Variants in ZC3H3 observed in about 807,000 individuals in gnomAD.
ZC3H3 encodes zinc finger CCCH-type containing 3.
In ZC3H3, 36 loss-of-function variants were observed where a neutral mutation model predicts 77.3. The ratio of observed to expected loss-of-function variants is 0.47; its 90% CI spans 0.36 to 0.61. The LOEUF is 0.61. Among genes scored for constraint, ZC3H3 ranks in the 20% least tolerant of loss-of-function variants. ZC3H3 has a pLI of 0.00. For missense variants in ZC3H3, 1,331 were observed against 1,312.2 expected (o/e 1.01, Z -0.22); for synonymous variants, 626 against 555.2 (o/e 1.13, Z -1.79).
Position 143,494,729 on chromosome 8 carries a change from G to C in ZC3H3, c.1715+13017C>G, listed in dbSNP as rs1821300333. ...ACACTCACCCTGAGACCCTGGGCAG[G>C]AACAAAGGCCTCATTCCACCAGGTA... On this transcript the variant is annotated intron_variant, in intron 4 of 11. Coordinates refer to ENST00000262577, the MANE Select transcript of ZC3H3 (RefSeq NM_015117.3). The surrounding 1 kb of genome is among the most constrained non-coding windows in gnomAD (Gnocchi z 5.3). Among the ~76,000 whole-genome samples the C allele has an allele frequency of 6.6e-6, 1 of 152,212 alleles. No individual in the cohort carries two copies. Among genetic ancestry groups the C allele is most frequent in the African/African-American group, 2.4e-5 (1 of 41,460 alleles).
chr8:143,512,740 G>A (rs117126994), intron 3 of ZC3H3, among the ~76,000 whole-genome samples: 2,212 of 152,358 alleles, frequency 0.015, 32 homozygotes, highest in Non-Finnish European at 0.025. Context: ...CCAGAGCTCA[G>A]GGGGTTGCAC....
intron 3 of ZC3H3, among the ~76,000 whole-genome samples, chr8:143,510,939 G>T (rs1377412448): frequency 1.3e-5 from 2 of 152,198 alleles, no homozygotes; most frequent in African/African-American, 4.8e-5. Flanking sequence ...CACACACGCA[G>T]CCCTCTCTGC....
intron 1 of ZC3H3, 107 bp downstream of exon 1, chr8:143,541,269 C>G (rs947174392): frequency 3.8e-6 from 6 of 1,570,178 alleles, no homozygotes; most frequent in Non-Finnish European, 4.3e-6. Context: ...CAGCCGCCAC[C>G]CAGAACACGC....
intron 4 of ZC3H3, among the ~76,000 whole-genome samples, chr8:143,504,655 C>T (rs1281911590): frequency 2.0e-5 from 3 of 152,186 alleles, no homozygotes; most frequent in Admixed American, 2.0e-4. Context: ...CTACACCCTA[C>T]CCAAGATGCT....
intron 4 of ZC3H3, among the ~76,000 whole-genome samples, chr8:143,491,203 G>A (rs1367723138): frequency 6.6e-5 from 10 of 152,154 alleles, no homozygotes; most frequent in East Asian, 5.8e-4. Context: ...GGAATTCCAC[G>A]GATCCCACAG....
chr8:143,485,716 G>A (rs938911340), intron 4 of ZC3H3, among the ~76,000 whole-genome samples: 6 of 152,222 alleles, frequency 3.9e-5, no homozygotes, highest in South Asian at 2.1e-4. Context: ...GTAAGCAGAC[G>A]TGTGGGGCGG....
At chr8:143,511,796 C>T (rs1036902104) in intron 3 of ZC3H3, among the ~76,000 whole-genome samples, 5 of 152,256 alleles carry the variant, frequency 3.3e-5, no homozygotes, top group Admixed American at 6.5e-5. Context: ...CTGGTGCAGA[C>T]GGGCCCAGCG....
chr8:143,538,890 G>C lies in ZC3H3; in HGVS notation c.477C>G (p.Pro159=). The change falls in exon 2 of 12, where the codon CCC becomes CCG. Residue 159 remains proline, a synonymous_variant. Coordinates refer to ENST00000262577, the MANE Select transcript of ZC3H3 (RefSeq NM_015117.3). ...FEETPWSDQR[P]REGEGEPPRG... Reference sequence around the variant, plus strand: ...GAGGGGGCTCACCTTCACCTTCCCGGGGCCTTTGGTCACTCCAGGGGGTTT... The same window carrying C: ...GAGGGGGCTCACCTTCACCTTCCCGCGGCCTTTGGTCACTCCAGGGGGTTT... The C allele has an allele frequency of 6.2e-7, 1 of 1,612,792 alleles. No individual in the cohort carries two copies. Among genetic ancestry groups the C allele is most frequent in the South Asian group, 1.1e-5 (1 of 91,082 alleles).
At chr8:143,502,643 CAAAT>C (rs1257763141) in intron 4 of ZC3H3, among the ~76,000 whole-genome samples, 3 of 152,182 alleles carry the variant, frequency 2.0e-5, no homozygotes, top group Admixed American at 2.0e-4. Context: ...ACTTTCATGT[CAAAT>C]GAATTTGGAA....
rs544444564 is a variant in ZC3H3 at position 143,528,344 on chromosome 8, A to G, written c.1561+7913T>C. ...GGCACTGCCGAGGCGCTGTGGGGCC[A>G]GCGGCCACGCCTCGGCCAGGCAGCG... On this transcript the variant is annotated intron_variant, in intron 3 of 11. Transcript: ENST00000262577. 4.6e-5 allele frequency among the ~76,000 whole-genome samples: 7 copies of G among 152,322 alleles called. No homozygotes were observed. In the East Asian group the frequency reaches 1.2e-3, roughly 25 times the overall value.
At chr8:143,510,161 C>T (rs1039491867) in intron 3 of ZC3H3, among the ~76,000 whole-genome samples, 6 of 151,810 alleles carry the variant, frequency 4.0e-5, no homozygotes, top group Admixed American at 1.3e-4. Context: ...GAAAACCACA[C>T]GGTAATAACG....
rs750246877 is a variant in ZC3H3 at position 143,538,719 on chromosome 8, G to T, written c.648C>A (p.Arg216=). Residue 216 remains arginine (R), a synonymous_variant, in exon 2 of 12, where the codon CGC becomes CGA. Coordinates refer to ENST00000262577, the MANE Select transcript of ZC3H3 (RefSeq NM_015117.3). Reference sequence around the variant, plus strand: ...CAATCACACTCTCACTGACTGTCCGGCGGGGCTCCCGGGGGCTGTCGCCCA... The same window carrying T: ...CAATCACACTCTCACTGACTGTCCGTCGGGGCTCCCGGGGGCTGTCGCCCA... ...GSVGDSPREP[R]RTVSESVIAV... 4 of 1,609,442 alleles carry T rather than the reference G, an allele frequency of 2.5e-6. No homozygotes were observed. The Admixed American group carries it at 5.0e-5, about 20-fold the overall frequency.
At chr8:143,506,910 C>T (rs1320533505) in intron 4 of ZC3H3, among the ~76,000 whole-genome samples, 2 of 152,186 alleles carry the variant, frequency 1.3e-5, no homozygotes, top group South Asian at 4.1e-4. Flanking sequence ...TGCCCTGGGC[C>T]GTGGCTGCTC....
chr8:143,445,670 G>A (rs922058606), intron 9 of ZC3H3, among the ~76,000 whole-genome samples: 3 of 151,664 alleles, frequency 2.0e-5, no homozygotes, highest in African/African-American at 7.3e-5. Context: ...TCCAGCCTGG[G>A]TGACACAGTG....
In ZC3H3 at chr8:143,536,238, G is replaced by C. The variant is rs765008437; in HGVS notation, c.1561+19C>G. The C allele has an allele frequency of 6.2e-7, 1 of 1,602,892 alleles. No homozygotes were observed. The highest frequency in any genetic ancestry group is 2.2e-5 in the East Asian group (1 of 44,622). ...GGCAGGCCCAGCCCCAGTGCCCAGC[G>C]CCCCTGCTCCCAGCATACCTTCCTT... On this transcript the variant is annotated intron_variant, in intron 3 of 11. Transcript: ENST00000262577.
chr8:143,472,806 G>A (rs530408706), intron 5 of ZC3H3, among the ~76,000 whole-genome samples: 2 of 152,214 alleles, frequency 1.3e-5, no homozygotes, highest in Non-Finnish European at 2.9e-5. Context: ...CACGGTGCAG[G>A]GAGAATCCCA....
At chr8:143,473,298 T>G (rs1198306601) in intron 5 of ZC3H3, among the ~76,000 whole-genome samples, 4 of 151,978 alleles carry the variant, frequency 2.6e-5, no homozygotes, top group Admixed American at 6.6e-5. Context: ...CTCAGGATGC[T>G]CTTGCTGCTT....
At chr8:143,495,778 T>TA (rs1420549350) in intron 4 of ZC3H3, among the ~76,000 whole-genome samples, 1 of 148,750 alleles carries the variant, frequency 6.7e-6, no homozygotes, top group East Asian at 1.9e-4. Context: ...TTTTTTTTTT[T>TA]AACTGTAGAG....
chr8:143,475,652 C>T lies in ZC3H3; in HGVS notation c.1716-67G>A. 6 of 1,479,922 alleles carry T rather than the reference C, an allele frequency of 4.1e-6. No homozygotes were observed. The South Asian group carries it at 5.4e-5, about 13-fold the overall frequency. The allele number at this position is 1,479,922 out of a possible 1,614,324, so 91.7% of individuals were successfully genotyped here. ...AGACTACAGCTCTGATGGTCAGTGC[C>T]AGGGGCCGAGCCCAGGCCTGGCCTC... On this transcript the variant is annotated intron_variant, in intron 4 of 11. Transcript: ENST00000262577.
Sources: gnomAD v4.1 joint callset for allele counts (sites outside exome capture counted in the v4.1 genomes callset) on GRCh38, gnomAD v4.1.1 for gene constraint, Gnocchi (gnomAD v3.1) non-coding constraint, MANE v1.5 for transcripts, NCBI Gene and HGNC (gene_info 2026-07-23, HGNC 2026-07-21) for gene names.